Variants in NCAPD3 observed in about 807,000 individuals in gnomAD.
NCAPD3 encodes non-SMC condensin II complex subunit D3, also known as condensin-2 complex subunit D3.
Under a neutral mutation model 182.9 loss-of-function variants are expected in NCAPD3, and 105 were observed. The observed-to-expected ratio is 0.57, with a 90% CI of 0.49 to 0.68. NCAPD3 has a LOEUF of 0.68. Among genes scored for constraint, NCAPD3 ranks in the 30% least tolerant of loss-of-function variants. The probability of loss-of-function intolerance (pLI) is 0.00; values close to 1 mark genes in which losing one functional copy is unlikely to be tolerated. For missense variants in NCAPD3, 1,944 were observed against 1,837.0 expected, an observed-to-expected ratio of 1.06 and a Z score of -1.07; for synonymous variants, 815 against 679.9, an observed-to-expected ratio of 1.20 and a Z score of -3.09.
In NCAPD3 at chr11:134,151,127, T is replaced by A. The variant is rs111814001; in HGVS notation, c.*1817A>T. 1 of 152,282 alleles carries A rather than the reference T, an allele frequency of 6.6e-6. No homozygotes were observed. Among genetic ancestry groups the A allele is most frequent in the Admixed American group, 6.5e-5 (1 of 15,288 alleles). The allele number at this position is 152,282 out of a possible 1,614,324, so 9.4% of individuals were successfully genotyped here. A position where few individuals can be genotyped will look rare whatever the true frequency, so the allele number is the denominator to read the frequency against. ...AGCACTCCACTGTGTGCCTGGAGAATGGCTCTCACTACTCACCTTGTCTTT... is the reference window on the plus strand; with the variant it reads ...AGCACTCCACTGTGTGCCTGGAGAAAGGCTCTCACTACTCACCTTGTCTTT... On this transcript the variant is annotated 3_prime_UTR_variant, in exon 35 of 35. Transcript: ENST00000534548.
At chr11:134,223,492 T>C (rs1005723731) in intron 1 of NCAPD3, 14 of 702,204 alleles carry the variant, frequency 2.0e-5, no homozygotes, top group Admixed American at 4.0e-5. Flanking sequence ...CCTATGAACA[T>C]GAAGTTCAAG....
At chr11:134,196,057 T>C (rs901421514) in intron 13 of NCAPD3, among the ~76,000 whole-genome samples, 3 of 152,146 alleles carry the variant, frequency 2.0e-5, no homozygotes, top group Non-Finnish European at 4.4e-5. Flanking sequence ...AAACTAAAAG[T>C]AGGTTCCTTG....
rs757756935 is a variant in NCAPD3 at position 134,168,046 on chromosome 11, C to A, written c.3523G>T (p.Ala1175Ser). 6.2e-6 allele frequency: 10 copies of A among 1,614,130 alleles called. No individual in the cohort carries two copies. In the Admixed American group the frequency reaches 1.7e-4, roughly 27 times the overall value. ...TCCTGCATGACTACATTTGCCAAGGCCATGTCATCTTCTTCCATAAGGAGG... is the reference window on the plus strand; with the variant it reads ...TCCTGCATGACTACATTTGCCAAGGACATGTCATCTTCTTCCATAAGGAGG... ...KDLLMEEDDM[A>S]LANVVMQEAQ... Residue 1175 changes from alanine to serine, a missense_variant, in exon 27 of 35, where the codon GCC becomes TCC. Ala to Ser is a moderately conservative substitution (Grantham distance 99). This residue lies in a region of NCAPD3 where 1,803 missense variants were observed against 1,674.6 expected (regional missense o/e 1.08). Coordinates refer to ENST00000534548, the MANE Select transcript of NCAPD3 (RefSeq NM_015261.3).
At chr11:134,164,279 TG>T (rs1364205396) in intron 27 of NCAPD3, among the ~76,000 whole-genome samples, 1 of 151,924 alleles carries the variant, frequency 6.6e-6, no homozygotes, top group Admixed American at 6.6e-5. Flanking sequence ...CCATAAACTG[TG>T]GGAGAAAGAG....
chr11:134,199,496 CCATACTTT>C (rs1429771714), intron 13 of NCAPD3, among the ~76,000 whole-genome samples: 58 of 135,008 alleles, frequency 4.3e-4, no homozygotes, highest in African/African-American at 2.1e-3. Context: ...CACATTCAAA[CCATACTTT>C]GAGTTTTGAA....
intron 16 of NCAPD3, among the ~76,000 whole-genome samples, chr11:134,188,215 AAAC>A (rs1384188176): frequency 1.3e-5 from 2 of 152,170 alleles, no homozygotes; most frequent in East Asian, 3.9e-4. Flanking sequence ...CACTCTGTAA[AAAC>A]ACACCAATCA....
At chr11:134,172,141 A>C (rs1373632487) in intron 24 of NCAPD3, among the ~76,000 whole-genome samples, 1 of 151,732 alleles carries the variant, frequency 6.6e-6, no homozygotes, top group African/African-American at 2.4e-5. Flanking sequence ...AGACGCCTCC[A>C]CCTCCACCTC....
intron 4 of NCAPD3, 48 bp downstream of exon 4, chr11:134,210,222 G>A: frequency 6.6e-7 from 1 of 1,505,734 alleles, no homozygotes; most frequent in Non-Finnish European, 9.0e-7. Context: ...CTTAAATAAA[G>A]CAAATCGTGT....
intron 28 of NCAPD3, among the ~76,000 whole-genome samples, chr11:134,160,407 T>C (rs373370021): frequency 3.3e-5 from 5 of 152,064 alleles, no homozygotes; most frequent in African/African-American, 1.2e-4. Context: ...GCATCCTGGC[T>C]ATGTGGCAGT....
At position 134,152,930 on chromosome 11, in the gene NCAPD3, G is replaced by A. The variant is rs777634342; in HGVS notation, c.*14C>T. On this transcript the variant is annotated 3_prime_UTR_variant, in exon 35 of 35. Transcript: ENST00000534548. ...AGGGCTCCTGCCTGCCTGGACACTG[G>A]TGGGAGGCGCTGTTTAGTTGGCTGT... 6.6e-7 allele frequency: 1 copy of A among 1,525,476 alleles called. No individual in the cohort carries two copies. The highest frequency in any genetic ancestry group is 1.3e-5 in the South Asian group (1 of 76,316). 94.5% of individuals were successfully genotyped at this position (1,525,476 alleles called of 1,614,324 possible). A position where few individuals can be genotyped will look rare whatever the true frequency, so the allele number is the denominator to read the frequency against.
intron 13 of NCAPD3, among the ~76,000 whole-genome samples, chr11:134,196,955 C>A (rs1449071359): frequency 6.6e-6 from 1 of 152,154 alleles, no homozygotes; most frequent in Non-Finnish European, 1.5e-5. Context: ...AACTGTAACA[C>A]CCAGTGCTGG....
chr11:134,206,815 C>A, intron 7 of NCAPD3, 83 bp from the exon 8 acceptor site: 2 of 1,404,660 alleles, frequency 1.4e-6, no homozygotes, highest in South Asian at 1.5e-5. Context: ...TGTAGTAAAC[C>A]ATTTCAAGCC....
At chr11:134,222,676 T>C (rs999865150) in intron 1 of NCAPD3, among the ~76,000 whole-genome samples, 3 of 152,184 alleles carry the variant, frequency 2.0e-5, no homozygotes, top group Non-Finnish European at 2.9e-5. Context: ...TAGGGAATAG[T>C]ACTGGGGGAG....
chr11:134,209,543 A>G, intron 4 of NCAPD3, 66 bp from the exon 5 acceptor site: 1 of 1,477,724 alleles, frequency 6.8e-7, no homozygotes, highest in South Asian at 1.3e-5. Context: ...ATGGTTTTCA[A>G]TTTACCCAAA....
At chr11:134,158,246 C>T in intron 30 of NCAPD3, 83 bp downstream of exon 30, 1 of 1,567,224 alleles carries the variant, frequency 6.4e-7, no homozygotes, top group Non-Finnish European at 8.7e-7. Context: ...GACTTTCCTG[C>T]CCACGCTTGG....
Position 134,223,561 on chromosome 11 carries a change from T to C in NCAPD3, c.64+302A>G, listed in dbSNP as rs1938326472. On this transcript the variant is annotated intron_variant, in intron 1 of 34. Transcript: ENST00000534548. ...TTAAAACCATCTTAATAGGTAAGAATAGATAGGTGCACGAAGACACGCACA... is the reference window on the plus strand; with the variant it reads ...TTAAAACCATCTTAATAGGTAAGAACAGATAGGTGCACGAAGACACGCACA... 4 of 691,568 alleles carry C rather than the reference T, an allele frequency of 5.8e-6. No individual in the cohort carries two copies. The Admixed American group carries it at 6.0e-5, about 10-fold the overall frequency. 42.8% of individuals were successfully genotyped at this position (691,568 alleles called of 1,614,324 possible).
At chr11:134,200,756 T>C (rs1944730493) in intron 13 of NCAPD3, among the ~76,000 whole-genome samples, 1 of 152,202 alleles carries the variant, frequency 6.6e-6, no homozygotes, top group Non-Finnish European at 1.5e-5. Context: ...ACCACACATC[T>C]ATACAAAAAC....
At chr11:134,165,568 G>A (rs1943754360) in intron 27 of NCAPD3, among the ~76,000 whole-genome samples, 1 of 148,326 alleles carries the variant, frequency 6.7e-6, no homozygotes, top group South Asian at 2.2e-4. Flanking sequence ...CTTGTGAGAT[G>A]AGCTTGGGGG....
chr11:134,165,380 G>A (rs188969453), intron 27 of NCAPD3, among the ~76,000 whole-genome samples: 206 of 151,424 alleles, frequency 1.4e-3, no homozygotes, highest in South Asian at 2.1e-3. Context: ...CGTGAGATAA[G>A]CTTCGGGGAA....
Sources: allele counts gnomAD v4.1 joint callset (sites outside exome capture counted in the v4.1 genomes callset), GRCh38; gene constraint gnomAD v4.1.1; regional missense constraint gnomAD v4.1.1; transcripts MANE v1.5; gene names NCBI Gene and HGNC (gene_info 2026-07-23, HGNC 2026-07-21).